BTBD16: variants seen among roughly 807,000 people sequenced by gnomAD.
The protein encoded by BTBD16 is BTB domain containing 16, also known as BTB/POZ domain-containing protein 16.
Under a neutral mutation model 67.4 loss-of-function variants are expected in BTBD16, and 66 were observed. The observed-to-expected ratio is 0.98, with a 90% confidence interval of 0.80 to 1.20. The LOEUF (loss-of-function observed/expected upper bound fraction) is 1.20, where lower values mean the gene tolerates loss of function less well. BTBD16 is among the 50% of genes most tolerant of loss of function. BTBD16 has a pLI of 0.00. For missense variants in BTBD16, 634 were observed against 616.0 expected (o/e 1.03, Z -0.31); for synonymous variants, 242 against 236.4 (o/e 1.02, Z -0.22).
intron 9 of BTBD16, among the ~76,000 whole-genome samples, chr10:122,301,633 A>G (rs753080227): frequency 2.7e-4 from 41 of 152,124 alleles, no homozygotes; most frequent in Non-Finnish European, 1.3e-4. Context: ...GGCTTGTTAG[A>G]AGTTTCACTG....
At chr10:122,294,021 C>A in intron 7 of BTBD16, 2 of 589,504 alleles carry the variant, frequency 3.4e-6, no homozygotes, top group Non-Finnish European at 4.3e-6. Flanking sequence ...GGCTTTGCAG[C>A]TAATGAGCCA....
At chr10:122,308,544 G>C (rs575345217) in intron 10 of BTBD16, among the ~76,000 whole-genome samples, 29 of 152,266 alleles carry the variant, frequency 1.9e-4, no homozygotes, top group Middle Eastern at 3.4e-3. Context: ...AGGGGCCAGA[G>C]TCCTCTCAAT....
At chr10:122,273,053 A>T (rs924701521) in intron 1 of BTBD16, among the ~76,000 whole-genome samples, 2 of 152,108 alleles carry the variant, frequency 1.3e-5, no homozygotes, top group East Asian at 1.9e-4. Context: ...AGTACTAAAG[A>T]TGTTGTGAAA....
At position 122,279,535 on chromosome 10, in the gene BTBD16, C is replaced by CACACACACAT. The variant is rs1554886557; in HGVS notation, c.167+2605_167+2606insTACACACACA. Among the ~76,000 whole-genome samples, 651 of 151,906 alleles carry CACACACACAT rather than the reference C, an allele frequency of 4.3e-3. 8 individuals carry two copies. Among genetic ancestry groups the CACACACACAT allele is most frequent in the Middle Eastern group, 0.027 (8 of 294 alleles). On this transcript the variant is annotated intron_variant, in intron 3 of 15. Coordinates refer to ENST00000260723, the MANE Select transcript of BTBD16 (RefSeq NM_144587.5). ...AAACACACACACACACACACACACA[C>CACACACACAT]ACACACACACATCTTTTCTTTGTGT...
intron 10 of BTBD16, among the ~76,000 whole-genome samples, chr10:122,325,276 A>G (rs1359586155): frequency 1.3e-5 from 2 of 152,254 alleles, no homozygotes; most frequent in Admixed American, 6.5e-5. Context: ...GCCAGGCACT[A>G]TAAAAGACAC....
chr10:122,272,850 CTACAG>C (rs2096331984), intron 1 of BTBD16, among the ~76,000 whole-genome samples: 1 of 152,048 alleles, frequency 6.6e-6, no homozygotes, highest in South Asian at 2.1e-4. Context: ...GCTAGTGAGA[CTACAG>C]TAACCCAGTA....
intron 5 of BTBD16, chr10:122,287,341 G>A (rs2096365795): frequency 9.0e-6 from 7 of 773,876 alleles, no homozygotes; most frequent in Non-Finnish European, 1.1e-5. Flanking sequence ...GGAAAAGCAG[G>A]AGAATTTGGA....
intron 10 of BTBD16, among the ~76,000 whole-genome samples, chr10:122,308,101 A>G (rs2096406892): frequency 6.6e-6 from 1 of 152,206 alleles, no homozygotes; most frequent in Non-Finnish European, 1.5e-5. Context: ...TGAGTCATGC[A>G]CACCAGGAGG....
chr10:122,291,075 C>T lies in BTBD16; in HGVS notation c.476-5C>T, dbSNP rs761591973. Reference sequence around the variant, plus strand: ...CAGATGGCTCGCTTGGCTGTGCCTCCCCAGCCTTCGCCACGGCCCTGAAGA... The same window carrying T: ...CAGATGGCTCGCTTGGCTGTGCCTCTCCAGCCTTCGCCACGGCCCTGAAGA... On this transcript the variant is annotated splice_polypyrimidine_tract_variant and splice_region_variant and intron_variant, in intron 6 of 15. Coordinates refer to ENST00000260723, the MANE Select transcript of BTBD16 (RefSeq NM_144587.5). The T allele has an allele frequency of 6.2e-7, 1 of 1,608,276 alleles. No homozygotes were observed. Among genetic ancestry groups the T allele is most frequent in the East Asian group, 2.2e-5 (1 of 44,648 alleles).
At chr10:122,284,533 C>G (rs1755386836) in intron 4 of BTBD16, among the ~76,000 whole-genome samples, 2 of 152,126 alleles carry the variant, frequency 1.3e-5, no homozygotes, top group African/African-American at 4.8e-5. Context: ...TCTTTGGGCT[C>G]TAACCAGTCA....
rs573608272 is a variant in BTBD16 at position 122,282,399 on chromosome 10, C to G, written c.168-1452C>G. Among the ~76,000 whole-genome samples the G allele has an allele frequency of 5.3e-5, 8 of 152,312 alleles. No homozygotes were observed. In the South Asian group the frequency reaches 1.7e-3, roughly 32 times the overall value. On this transcript the variant is annotated intron_variant, in intron 3 of 15. Coordinates refer to ENST00000260723, the MANE Select transcript of BTBD16 (RefSeq NM_144587.5). ...CTGAGTCATTGGCAGCCATCCTCCC[C>G]CCTTGGAAAGGGCAGCACGTAGTTG...
At chr10:122,324,433 G>A (rs1292867743) in intron 10 of BTBD16, among the ~76,000 whole-genome samples, 1 of 152,252 alleles carries the variant, frequency 6.6e-6, no homozygotes, top group Non-Finnish European at 1.5e-5. Context: ...CCCAGGGTGG[G>A]CGAGGCCATG....
intron 9 of BTBD16, 88 bp from the exon 10 acceptor site, chr10:122,307,101 T>C: frequency 6.8e-7 from 1 of 1,470,526 alleles, no homozygotes; most frequent in Non-Finnish European, 9.1e-7. Flanking sequence ...GTCACCTCAT[T>C]CCCAAACTCA....
intron 10 of BTBD16, among the ~76,000 whole-genome samples, chr10:122,320,430 T>C (rs2096433484): frequency 6.6e-6 from 1 of 152,168 alleles, no homozygotes; most frequent in Non-Finnish European, 1.5e-5. Context: ...ATCAAATGTT[T>C]AGTTTGCCCT....
At chr10:122,312,406 G>A (rs4639872) in intron 10 of BTBD16, among the ~76,000 whole-genome samples, 5,940 of 146,046 alleles carry the variant, frequency 0.041, 357 homozygotes, top group East Asian at 0.24. Flanking sequence ...TCCACCTCCC[G>A]GGTTCAAGTG....
intron 10 of BTBD16, among the ~76,000 whole-genome samples, chr10:122,318,380 A>C (rs1223379045): frequency 6.6e-6 from 1 of 152,048 alleles, no homozygotes; most frequent in Non-Finnish European, 1.5e-5. Context: ...TTGTTTTTCT[A>C]TTCATCTTTT....
chr10:122,274,267 A>G (rs2096335544), intron 1 of BTBD16, among the ~76,000 whole-genome samples: 1 of 152,220 alleles, frequency 6.6e-6, no homozygotes, highest in African/African-American at 2.4e-5. Context: ...AAGCCAGGCC[A>G]GTTGGGGCCT....
intron 10 of BTBD16, among the ~76,000 whole-genome samples, chr10:122,314,897 C>G (rs2096421142): frequency 6.6e-6 from 1 of 152,144 alleles, no homozygotes; most frequent in Admixed American, 6.5e-5. Context: ...GTTGAGTAGA[C>G]ATGAACATCT....
chr10:122,274,928 G>T, intron 1 of BTBD16, 112 bp from the exon 2 acceptor site: 1 of 662,968 alleles, frequency 1.5e-6, no homozygotes, highest in Non-Finnish European at 2.7e-6. Context: ...ACCCACATTC[G>T]AGGCTTATTC....
Sources: gnomAD v4.1 joint callset for allele counts (sites outside exome capture counted in the v4.1 genomes callset) on GRCh38, gnomAD v4.1.1 for gene constraint, MANE v1.5 for transcripts, NCBI Gene and HGNC (gene_info 2026-07-23, HGNC 2026-07-21) for gene names.